The following OR9Q1 variants were observed in gnomAD, a reference collection of about 807,000 sequenced individuals.
The protein encoded by OR9Q1 is olfactory receptor 9Q1.
For synonymous variants in OR9Q1, 153 were observed against 148.6 expected (o/e 1.03, Z -0.22); for missense variants, 374 against 378.8 (o/e 0.99, Z 0.11).
intron 1 of OR9Q1, 88 bp from the exon 2 acceptor site, chr11:58,055,782 C>A (rs12791055): frequency 0.7 from 101,990 of 145,282 alleles, 36,281 homozygotes; most frequent in Middle Eastern, 0.8. Flanking sequence ...CCTGGGCAAC[C>A]GAGCGAGACT....
chr11:58,149,029 A>G (rs1318612473), intron 2 of OR9Q1, among the ~76,000 whole-genome samples: 1 of 152,170 alleles, frequency 6.6e-6, no homozygotes, highest in East Asian at 1.9e-4. Context: ...TCTTTTTCTC[A>G]ACATCTTTGT....
intron 2 of OR9Q1, chr11:58,075,447 C>A (rs1318313644): frequency 6.6e-6 from 1 of 152,248 alleles, no homozygotes; most frequent in South Asian, 2.1e-4. Flanking sequence ...GCTGTGCCCC[C>A]CAAATCCATA....
chr11:58,117,351 C>A (rs949288921), intron 2 of OR9Q1: 4 of 152,166 alleles, frequency 2.6e-5, no homozygotes, highest in African/African-American at 9.7e-5. Context: ...CATCCCTTGT[C>A]TACTGCTGTA....
chr11:58,056,554 CATAA>C (rs1213307072), intron 2 of OR9Q1, among the ~76,000 whole-genome samples: 3 of 152,112 alleles, frequency 2.0e-5, no homozygotes, highest in Non-Finnish European at 4.4e-5. Flanking sequence ...TTTCAGTGTT[CATAA>C]ATAAAGTTTT....
At chr11:58,078,802 A>G (rs1046880047) in intron 2 of OR9Q1, among the ~76,000 whole-genome samples, 1 of 152,180 alleles carries the variant, frequency 6.6e-6, no homozygotes, top group Admixed American at 6.6e-5. Flanking sequence ...AAAACATCGA[A>G]TGGAGCTGAT....
At chr11:58,026,370 A>C (rs1002353447) in intron 1 of OR9Q1, among the ~76,000 whole-genome samples, 5 of 152,244 alleles carry the variant, frequency 3.3e-5, no homozygotes, top group Middle Eastern at 3.4e-3. Flanking sequence ...TCAATGGTAC[A>C]TGTGCAGGCT....
chr11:58,171,185 C>T (rs1169980314), intron 2 of OR9Q1: 1 of 152,206 alleles, frequency 6.6e-6, no homozygotes, highest in Non-Finnish European at 1.5e-5. Context: ...TGCTTTATGA[C>T]ACCATCACAA....
chr11:58,112,549 T>A (rs1409012346), intron 2 of OR9Q1, among the ~76,000 whole-genome samples: 1 of 152,158 alleles, frequency 6.6e-6, no homozygotes, highest in African/African-American at 2.4e-5. Context: ...TGCATAACTT[T>A]GTTTATGCAG....
chr11:58,025,938 C>A (rs889963069), intron 1 of OR9Q1, among the ~76,000 whole-genome samples: 3 of 152,130 alleles, frequency 2.0e-5, no homozygotes, highest in Non-Finnish European at 4.4e-5. Context: ...TTAAGGATTG[C>A]CTTCTTTCCA....
At chr11:58,143,619 A>G (rs968400465) in intron 2 of OR9Q1, among the ~76,000 whole-genome samples, 2 of 152,202 alleles carry the variant, frequency 1.3e-5, no homozygotes, top group Admixed American at 6.5e-5. Flanking sequence ...CAAACACTGC[A>G]TGTCCTTACT....
intron 2 of OR9Q1, among the ~76,000 whole-genome samples, chr11:58,073,870 T>C (rs886140928): frequency 8.5e-5 from 13 of 152,222 alleles, no homozygotes; most frequent in African/African-American, 3.1e-4. Flanking sequence ...TTCTCATTGT[T>C]CAACACCTAC....
intron 2 of OR9Q1, among the ~76,000 whole-genome samples, chr11:58,059,731 C>CATAAGA (rs1853362262): frequency 8.7e-6 from 1 of 114,940 alleles, no homozygotes; most frequent in South Asian, 3.0e-4. Context: ...AGGGAGAAAG[C>CATAAGA]ATAAGAACTA....
rs570723646 is a variant in OR9Q1 at position 58,139,853 on chromosome 11, C to T, written c.-14-39578C>T. Among the ~76,000 whole-genome samples, 497 of 104,306 alleles carry T rather than the reference C, an allele frequency of 4.8e-3. 2 individuals are homozygous for T. The highest frequency in any genetic ancestry group is 7.5e-3 in the Non-Finnish European group (363 of 48,172). 68.4% of individuals were successfully genotyped at this position (104,306 alleles called of 152,430 possible). ...TTCTAGTTCTAGATCCCTGAGGAAT[C>T]GCCACACTGACTTCCACAATGGTTG... On this transcript the variant is annotated intron_variant, in intron 2 of 2. Transcript: ENST00000335397.
At chr11:58,110,557 A>C (rs761050536) in intron 2 of OR9Q1, among the ~76,000 whole-genome samples, 2 of 152,154 alleles carry the variant, frequency 1.3e-5, no homozygotes, top group Middle Eastern at 3.2e-3. Context: ...TTCACTCTTG[A>C]AATGAATTAT....
intron 2 of OR9Q1, among the ~76,000 whole-genome samples, chr11:58,158,038 T>G (rs1854423783): frequency 6.6e-6 from 1 of 152,154 alleles, no homozygotes; most frequent in Non-Finnish European, 1.5e-5. Context: ...AGTAGTCAAT[T>G]TCAAGGATAA....
chr11:58,091,966 T>TG (rs1227502236), intron 2 of OR9Q1, among the ~76,000 whole-genome samples: 1 of 149,502 alleles, frequency 6.7e-6, no homozygotes, highest in African/African-American at 2.4e-5. Context: ...TTGCAACCCT[T>TG]GCCTTTTTTT....
At chr11:58,113,388 C>T (rs1853920496) in intron 2 of OR9Q1, among the ~76,000 whole-genome samples, 1 of 152,134 alleles carries the variant, frequency 6.6e-6, no homozygotes, top group Non-Finnish European at 1.5e-5. Flanking sequence ...AAAGTACAAA[C>T]CAGAACTAAC....
At chr11:58,146,115 GC>G (rs1222154429) in intron 2 of OR9Q1, among the ~76,000 whole-genome samples, 3 of 152,150 alleles carry the variant, frequency 2.0e-5, no homozygotes, top group African/African-American at 7.2e-5. Context: ...TTGATGTAGG[GC>G]TGAAGTGAGT....
At chr11:58,135,072 C>T (rs1015707566) in intron 2 of OR9Q1, among the ~76,000 whole-genome samples, 1 of 152,062 alleles carries the variant, frequency 6.6e-6, no homozygotes, top group South Asian at 2.1e-4. Flanking sequence ...GATGTCATAC[C>T]CATCTTATAT....
Sources: gnomAD v4.1 joint callset for allele counts (sites outside exome capture counted in the v4.1 genomes callset) on GRCh38, gnomAD v4.1.1 for gene constraint, MANE v1.5 for transcripts, NCBI Gene and HGNC (gene_info 2026-07-23, HGNC 2026-07-21) for gene names.